Variants in PCDHA5 observed in about 807,000 individuals in gnomAD.
PCDHA5 encodes protocadherin alpha-5.
A neutral mutation model predicts 61.6 loss-of-function variants in PCDHA5; 43 were observed. That is an observed-to-expected ratio of 0.70 (90% CI 0.55 to 0.90). The LOEUF (loss-of-function observed/expected upper bound fraction) is 0.90, where lower values mean the gene tolerates loss of function less well. Among genes scored for constraint, PCDHA5 ranks in the 40% least tolerant of loss-of-function variants. The pLI is 0.00. For synonymous variants in PCDHA5, 627 were observed against 543.9 expected, an observed-to-expected ratio of 1.15 and a Z score of -2.13; for missense variants, 1,298 against 1,222.7, an observed-to-expected ratio of 1.06 and a Z score of -0.92.
intron 1 of PCDHA5, among the ~76,000 whole-genome samples, chr5:140,923,825 G>A (rs2081532169): frequency 6.6e-6 from 1 of 152,224 alleles, no homozygotes; most frequent in East Asian, 1.9e-4. Context: ...ATAGACGTCA[G>A]TGGCAGTTTA....
chr5:140,894,571 T>A (rs782019282), intron 1 of PCDHA5, among the ~76,000 whole-genome samples: 5 of 151,906 alleles, frequency 3.3e-5, no homozygotes, highest in Non-Finnish European at 5.9e-5. Context: ...TTATTTTCCT[T>A]TTTTTTAATA....
intron 1 of PCDHA5, among the ~76,000 whole-genome samples, chr5:140,957,164 T>C (rs2095337835): frequency 6.6e-6 from 1 of 152,148 alleles, no homozygotes; most frequent in Non-Finnish European, 1.5e-5. Flanking sequence ...CAAATCTAAG[T>C]ATATAAATTG....
At chr5:141,004,362 C>T (rs1357216048) in intron 3 of PCDHA5, among the ~76,000 whole-genome samples, 1 of 152,186 alleles carries the variant, frequency 6.6e-6, no homozygotes, top group Non-Finnish European at 1.5e-5. Flanking sequence ...AGAGACCACA[C>T]CTTGTTCTGC....
rs570399561 is a variant in PCDHA5, at chr5:140,943,988, C to T, written c.2353-34961C>T. ...GTTAAAGTAATTAAGAAAACAGAGA[C>T]AGAACTACTGAGTACCCCCCAAAAG... On this transcript the variant is annotated intron_variant, in intron 1 of 3. Transcript: ENST00000529859. 8.3e-4 allele frequency among the ~76,000 whole-genome samples: 126 copies of T among 152,216 alleles called. 3 individuals carry two copies. The Middle Eastern group carries it at 0.017, about 21-fold the overall frequency.
intron 1 of PCDHA5, among the ~76,000 whole-genome samples, chr5:140,908,419 A>G (rs782714084): frequency 6.6e-6 from 1 of 152,196 alleles, no homozygotes; most frequent in Non-Finnish European, 1.5e-5. Context: ...TGATGATGGA[A>G]TGCTGCTGTG....
At chr5:140,897,547 C>T (rs1276931434) in intron 1 of PCDHA5, among the ~76,000 whole-genome samples, 3 of 152,076 alleles carry the variant, frequency 2.0e-5, no homozygotes, top group Non-Finnish European at 2.9e-5. Context: ...CATAGTCTTC[C>T]ATGGTGTATA....
Position 140,843,367 on chromosome 5 carries a change from G to A in PCDHA5, c.2352+19240G>A, listed in dbSNP as rs2150358389. The stretch of plus-strand genomic sequence containing the variant: ...AGGCTCCAAAAGCGTCATCGAGGCA[G>A]TCGGCTGGCGTTTTGGGTCCGGAAG... On this transcript the variant is annotated intron_variant, in intron 1 of 3. Coordinates refer to ENST00000529859, the MANE Select transcript of PCDHA5 (RefSeq NM_018908.3). 3 of 1,596,142 alleles carry A rather than the reference G, an allele frequency of 1.9e-6. No homozygotes were observed. In the East Asian group the frequency reaches 6.7e-5, roughly 36 times the overall value.
intron 1 of PCDHA5, chr5:140,850,687 A>T: frequency 6.3e-7 from 1 of 1,597,792 alleles, no homozygotes. Context: ...ACCGAGGGCG[A>T]GTGCGCGCCT....
chr5:140,832,614 A>G (rs1451559865), intron 1 of PCDHA5, among the ~76,000 whole-genome samples: 1 of 152,186 alleles, frequency 6.6e-6, no homozygotes, highest in Non-Finnish European at 1.5e-5. Flanking sequence ...TAGTGAGTAA[A>G]TGTTTTTTAA....
At chr5:140,967,820 C>A (rs1162525542) in intron 1 of PCDHA5, 29 of 1,614,052 alleles carry the variant, frequency 1.8e-5, no homozygotes, top group Non-Finnish European at 2.5e-5. Context: ...CTGCAAGGTG[C>A]TGGTGGACAT....
chr5:140,881,369 T>C (rs2058687376), intron 1 of PCDHA5: 2 of 985,186 alleles, frequency 2.0e-6, no homozygotes, highest in Non-Finnish European at 2.4e-6. Flanking sequence ...TTCGTATGAA[T>C]TGCAGCCGGC....
chr5:140,855,030 G>A (rs1385138184), intron 1 of PCDHA5, among the ~76,000 whole-genome samples: 1 of 149,666 alleles, frequency 6.7e-6, no homozygotes, highest in African/African-American at 2.4e-5. Context: ...CTTGTATAAA[G>A]GATTTTTCTG....
At chr5:140,862,638 C>T (rs782579250) in intron 1 of PCDHA5, 2 of 539,918 alleles carry the variant, frequency 3.7e-6, no homozygotes, top group African/African-American at 1.9e-5. Flanking sequence ...GCCACGACTT[C>T]ACAGTGTCCG....
At chr5:140,870,921 T>G (rs2052546739) in intron 1 of PCDHA5, 1 of 1,613,894 alleles carries the variant, frequency 6.2e-7, no homozygotes, top group South Asian at 1.1e-5. Flanking sequence ...ACGCGTGGCT[T>G]TCATATGAAT....
chr5:140,829,838 C>T (rs2150175831), intron 1 of PCDHA5: 21 of 1,613,806 alleles, frequency 1.3e-5, no homozygotes, highest in East Asian at 6.7e-5. Context: ...GCTGGTGCCG[C>T]GGTCACTGGG....
At position 141,012,270 on chromosome 5, in the gene PCDHA5, G is replaced by A. The variant is rs782033901; in HGVS notation, c.*2333G>A. On this transcript the variant is annotated 3_prime_UTR_variant, in exon 4 of 4. Coordinates refer to ENST00000529859, the MANE Select transcript of PCDHA5 (RefSeq NM_018908.3). ...TATTACAGCTGTAAGGATAAAACAC[G>A]TCATGTGGATTCATTTTGAATTGGT... is the stretch of plus-strand genomic sequence containing the variant. 4 of 153,734 alleles carry A rather than the reference G, an allele frequency of 2.6e-5. No individual in the cohort carries two copies. The highest frequency in any genetic ancestry group is 5.9e-5 in the Non-Finnish European group (4 of 68,028). 9.5% of individuals were successfully genotyped at this position (153,734 alleles called of 1,614,324 possible).
chr5:140,866,796 G>A (rs1360079320), intron 1 of PCDHA5: 5 of 152,128 alleles, frequency 3.3e-5, no homozygotes, highest in African/African-American at 1.2e-4. Context: ...TATAGTAAAA[G>A]TCAGGCACAA....
chr5:140,836,071 C>T lies in PCDHA5; in HGVS notation c.2352+11944C>T, dbSNP rs2150251957. 10 of 1,613,504 alleles carry T rather than the reference C, an allele frequency of 6.2e-6. No homozygotes were observed. The East Asian group carries it at 1.8e-4, about 29-fold the overall frequency. The stretch of plus-strand genomic sequence containing the variant: ...GTGCTGGACGAGAACGACAACGCGC[C>T]GGCACTGCTGGCGCCTCGGGTGGGT... On this transcript the variant is annotated intron_variant, in intron 1 of 3. Transcript: ENST00000529859.
intron 1 of PCDHA5, among the ~76,000 whole-genome samples, chr5:140,894,553 T>G (rs2064537673): frequency 6.6e-6 from 1 of 152,008 alleles, no homozygotes; most frequent in South Asian, 2.1e-4. Flanking sequence ...TGTTTACTTC[T>G]GAAAAAATTA....
Sources: gnomAD v4.1 joint callset for allele counts (sites outside exome capture counted in the v4.1 genomes callset) on GRCh38, gnomAD v4.1.1 for gene constraint, MANE v1.5 for transcripts, NCBI Gene and HGNC (gene_info 2026-07-23, HGNC 2026-07-21) for gene names.